The following TRAPPC9 variants were observed in gnomAD, a reference collection of about 807,000 sequenced individuals.
TRAPPC9 encodes IKK2 binding protein.
A neutral mutation model predicts 124.0 loss-of-function variants in TRAPPC9; 83 were observed. The observed-to-expected ratio is 0.67, with a 90% confidence interval of 0.56 to 0.80. The LOEUF (loss-of-function observed/expected upper bound fraction) is 0.80. Among genes scored for constraint, TRAPPC9 ranks in the 30% least tolerant of loss-of-function variants. The pLI, the probability that TRAPPC9 is intolerant of heterozygous loss-of-function variation, is 0.00. For missense variants in TRAPPC9, 1,302 were observed against 1,508.3 expected (o/e 0.86, Z 2.27); for synonymous variants, 638 against 617.5 (o/e 1.03, Z -0.49).
At chr8:139,779,149 G>A (rs1821597537) in intron 21 of TRAPPC9, among the ~76,000 whole-genome samples, 1 of 152,128 alleles carries the variant, frequency 6.6e-6, no homozygotes, top group Non-Finnish European at 1.5e-5. Flanking sequence ...AAGAATGACA[G>A]CCAATTTCAT....
intron 21 of TRAPPC9, among the ~76,000 whole-genome samples, chr8:139,880,723 A>C (rs1434479208): frequency 2.0e-5 from 3 of 152,234 alleles, no homozygotes; most frequent in African/African-American, 4.8e-5. Context: ...GTCTAGTCAG[A>C]AAATCGAATC....
intron 17 of TRAPPC9, among the ~76,000 whole-genome samples, chr8:140,208,728 A>G (rs998218347): frequency 2.0e-5 from 3 of 152,188 alleles, no homozygotes; most frequent in Non-Finnish European, 4.4e-5. Flanking sequence ...GTGGTATCCC[A>G]CTCTGATCCA....
chr8:139,845,227 T>C (rs1826996061), intron 21 of TRAPPC9, among the ~76,000 whole-genome samples: 1 of 152,198 alleles, frequency 6.6e-6, no homozygotes, highest in South Asian at 2.1e-4. Flanking sequence ...ATGAGGCTAA[T>C]GCCACCAAGC....
upstream of TRAPPC9, chr8:140,458,142 G>A: frequency 6.8e-7 from 1 of 1,476,958 alleles, no homozygotes; most frequent in Non-Finnish European, 9.1e-7. Context: ...GGAAGAGGAG[G>A]AGGGAAGGAG....
chr8:139,808,032 A>T (rs1824188540), intron 21 of TRAPPC9, among the ~76,000 whole-genome samples: 1 of 152,172 alleles, frequency 6.6e-6, no homozygotes, highest in South Asian at 2.1e-4. Context: ...GGAGGGCAGG[A>T]GGTGGGAAAA....
chr8:139,982,889 T>C (rs1024763805), intron 19 of TRAPPC9, among the ~76,000 whole-genome samples: 1 of 151,836 alleles, frequency 6.6e-6, no homozygotes, highest in African/African-American at 2.4e-5. Context: ...CCCACCACAC[T>C]CCCCTCCACC....
chr8:140,449,129 C>T (rs1263477838), intron 2 of TRAPPC9, among the ~76,000 whole-genome samples: 2 of 152,204 alleles, frequency 1.3e-5, no homozygotes, highest in Non-Finnish European at 2.9e-5. Flanking sequence ...TTTAAGACTA[C>T]TGTGTCTCAA....
At chr8:140,152,424 G>A (rs1337493628) in intron 17 of TRAPPC9, among the ~76,000 whole-genome samples, 11 of 142,798 alleles carry the variant, frequency 7.7e-5, no homozygotes, top group Admixed American at 1.5e-4. Flanking sequence ...GCAGTGGTGC[G>A]ATCTCAGCTC....
chr8:139,937,494 G>A (rs1833607590), intron 19 of TRAPPC9, among the ~76,000 whole-genome samples: 1 of 152,170 alleles, frequency 6.6e-6, no homozygotes. Context: ...CGGGGACAGC[G>A]CTGGGGGCAG....
intron 9 of TRAPPC9, 66 bp downstream of exon 9, chr8:140,359,984 C>T: frequency 1.2e-6 from 2 of 1,607,762 alleles, no homozygotes; most frequent in Non-Finnish European, 8.5e-7. Context: ...TTTACATGAA[C>T]CAGCATCTAA....
chr8:139,836,712 C>T (rs1826381533), intron 21 of TRAPPC9, among the ~76,000 whole-genome samples: 2 of 152,204 alleles, frequency 1.3e-5, no homozygotes, highest in African/African-American at 4.8e-5. Context: ...CAAGGCTCCA[C>T]AAAATCTCAG....
Position 139,849,069 on chromosome 8 carries a change from G to A in TRAPPC9, c.3055+36810C>T, listed in dbSNP as rs182720963. On this transcript the variant is annotated intron_variant, in intron 21 of 22. Transcript: ENST00000438773. The stretch of plus-strand genomic sequence containing the variant: ...GTGCCAACTGGCCCCCAAGTCAAAC[G>A]AGAGTGCTCAGTGTCCCCTTGGACT... 1.8e-3 allele frequency among the ~76,000 whole-genome samples: 278 copies of A among 152,354 alleles called. 3 individuals are homozygous for A. The highest frequency in any genetic ancestry group is 6.8e-3 in the Middle Eastern group (2 of 294).
At chr8:139,833,425 A>T (rs1826115436) in intron 21 of TRAPPC9, among the ~76,000 whole-genome samples, 1 of 152,306 alleles carries the variant, frequency 6.6e-6, no homozygotes, top group East Asian at 1.9e-4. Flanking sequence ...TTTCCCACAC[A>T]GGCCCACCCT....
chr8:140,069,242 G>A (rs1843019980), intron 17 of TRAPPC9, among the ~76,000 whole-genome samples: 1 of 152,202 alleles, frequency 6.6e-6, no homozygotes, highest in South Asian at 2.1e-4. Flanking sequence ...GTGTAGCAGT[G>A]GCGCAGAAAC....
intron 7 of TRAPPC9, among the ~76,000 whole-genome samples, chr8:140,382,924 G>C (rs924601220): frequency 2.0e-5 from 3 of 152,226 alleles, no homozygotes; most frequent in Admixed American, 2.0e-4. Flanking sequence ...AGTAGGAACA[G>C]ACTGACACCT....
At chr8:140,368,701 A>G (rs1262636383) in intron 8 of TRAPPC9, among the ~76,000 whole-genome samples, 2 of 151,546 alleles carry the variant, frequency 1.3e-5, no homozygotes, top group Admixed American at 1.3e-4. Context: ...TGCTGCGTAC[A>G]CTCCATCCCA....
intron 21 of TRAPPC9, among the ~76,000 whole-genome samples, chr8:139,865,814 T>C (rs1828490846): frequency 6.6e-6 from 1 of 152,136 alleles, no homozygotes; most frequent in Non-Finnish European, 1.5e-5. Context: ...GTAAAATCTT[T>C]AAAGAGATTG....
chr8:139,937,630 G>A (rs1833618270), intron 19 of TRAPPC9, among the ~76,000 whole-genome samples: 1 of 152,126 alleles, frequency 6.6e-6, no homozygotes, highest in Admixed American at 6.5e-5. Flanking sequence ...CACACTGGAG[G>A]CAGCAAGGAG....
intron 9 of TRAPPC9, among the ~76,000 whole-genome samples, chr8:140,359,115 G>A (rs1029199203): frequency 1.3e-5 from 2 of 152,218 alleles, no homozygotes; most frequent in African/African-American, 2.4e-5. Flanking sequence ...TGCAGGCCAC[G>A]GCAGTGCAGG....
Sources: allele counts gnomAD v4.1 joint callset (sites outside exome capture counted in the v4.1 genomes callset), GRCh38; gene constraint gnomAD v4.1.1; transcripts MANE v1.5; gene names NCBI Gene and HGNC (gene_info 2026-07-23, HGNC 2026-07-21).